Variants in ZNF469 observed in about 807,000 individuals in gnomAD.
The protein encoded by ZNF469 is zinc finger protein 469.
A neutral mutation model predicts 1.0 loss-of-function variants in ZNF469; 1 was observed. The observed-to-expected ratio is 1.00, with a 90% CI of 0.35 to 4.73. The LOEUF is 4.73. ZNF469 is among the 30% of genes most tolerant of loss of function. The pLI is 0.16. For synonymous variants in ZNF469, 2,703 were observed against 2,363.4 expected, an observed-to-expected ratio of 1.14 and a Z score of -4.17; for missense variants, 6,100 against 5,356.3, an observed-to-expected ratio of 1.14 and a Z score of -4.33.
the ZNF469 span, among the ~76,000 whole-genome samples, chr16:88,104,302 A>G: frequency 1.3e-5 from 2 of 151,812 alleles, no homozygotes; most frequent in African/African-American, 2.4e-5. Flanking sequence ...TTCACATACC[A>G]TAGAGTTCAC....
At chr16:88,244,488 A>T in the ZNF469 span, among the ~76,000 whole-genome samples, 2 of 143,492 alleles carry the variant, frequency 1.4e-5, no homozygotes, top group African/African-American at 5.4e-5. Context: ...TACATTGATG[A>T]GTGGGTGGAT....
chr16:88,126,748 G>C, the ZNF469 span, among the ~76,000 whole-genome samples: 2 of 151,882 alleles, frequency 1.3e-5, no homozygotes, highest in Admixed American at 1.3e-4. Flanking sequence ...CTGTCCCCCG[G>C]GTTCAAGCAA....
At chr16:88,316,486 C>G in the ZNF469 span, among the ~76,000 whole-genome samples, 1 of 151,242 alleles carries the variant, frequency 6.6e-6, no homozygotes, top group African/African-American at 2.4e-5. Flanking sequence ...GGCCTGGGCT[C>G]CCTGCTGCTC....
At chr16:88,378,305 A>G (rs2092514055), upstream of ZNF469, among the ~76,000 whole-genome samples, 1 of 152,170 alleles carries the variant, frequency 6.6e-6, no homozygotes, top group African/African-American at 2.4e-5. Context: ...CCAGACCCAA[A>G]TTGAGGGTCT....
At chr16:88,332,490 A>G in the ZNF469 span, among the ~76,000 whole-genome samples, 1 of 152,204 alleles carries the variant, frequency 6.6e-6, no homozygotes, top group Middle Eastern at 3.2e-3. Context: ...GGCCTTGAGC[A>G]AGGTCCTTGC....
chr16:88,438,012 G>A lies in ZNF469; in HGVS notation c.10542G>A (p.Glu3514=). The A allele has an allele frequency of 1.3e-6, 2 of 1,549,808 alleles. No individual in the cohort carries two copies. The highest frequency in any genetic ancestry group is 1.7e-6 in the Non-Finnish European group (2 of 1,146,934). ...SLPALLHLCS[E]VAPSTTKGWP... ...CGGCCCTGCTCCACCTGTGTTCGGA[G>A]GTGGCTCCCAGCACCACCAAGGGAT... Residue 3514 remains glutamate, a synonymous_variant, in exon 3 of 3, where the codon GAG becomes GAA. Coordinates refer to ENST00000565624, the MANE Select transcript of ZNF469 (RefSeq NM_001367624.2).
chr16:88,394,717 CAG>C (rs1469432146), intron 1 of ZNF469, among the ~76,000 whole-genome samples: 2 of 152,200 alleles, frequency 1.3e-5, no homozygotes, highest in African/African-American at 4.8e-5. Flanking sequence ...TCCAGGTGTT[CAG>C]AGAGTGAAAG....
the ZNF469 span, among the ~76,000 whole-genome samples, chr16:88,333,488 G>A: frequency 4.3e-5 from 5 of 115,094 alleles, no homozygotes; most frequent in African/African-American, 1.4e-4. Context: ...GGGCCCATGG[G>A]TGGAGAAGGC....
chr16:88,106,661 G>A, the ZNF469 span, among the ~76,000 whole-genome samples: 1 of 152,230 alleles, frequency 6.6e-6, no homozygotes, highest in Non-Finnish European at 1.5e-5. Flanking sequence ...TGCACCACGT[G>A]AGCCAAGGCA....
In ZNF469 at chr16:88,438,128, C is replaced by T. The variant is rs1037365587; in HGVS notation, c.10658C>T (p.Pro3553Leu). Residue 3553 changes from proline to leucine, a missense_variant, in exon 3 of 3, where the codon CCG becomes CTG. Pro to Leu is a moderately conservative substitution (Grantham distance 98). Transcript: ENST00000565624. ...TCCAACCACCAGGAGTGTCCCCCGCCGTCTCTGTCTCCCTTCCCAGCTGCC... is the reference window on the plus strand; with the variant it reads ...TCCAACCACCAGGAGTGTCCCCCGCTGTCTCTGTCTCCCTTCCCAGCTGCC... ...LPSNHQECPPPSLSPFPAALA... is the reference protein window; with the variant it reads ...LPSNHQECPPLSLSPFPAALA... The T allele has an allele frequency of 1.6e-5, 25 of 1,550,404 alleles. No homozygotes were observed. The highest frequency in any genetic ancestry group is 5.5e-5 in the African/African-American group (4 of 73,174).
chr16:88,235,860 G>T, the ZNF469 span, among the ~76,000 whole-genome samples: 1 of 152,226 alleles, frequency 6.6e-6, no homozygotes, highest in African/African-American at 2.4e-5. Context: ...ACACTATGGG[G>T]ACAGGAGGTT....
At chr16:88,184,681 C>T in the ZNF469 span, among the ~76,000 whole-genome samples, 1 of 151,966 alleles carries the variant, frequency 6.6e-6, no homozygotes, top group Non-Finnish European at 1.5e-5. Flanking sequence ...ATTAGGGACG[C>T]TCCACGGACT....
chr16:88,234,573 G>C, the ZNF469 span, among the ~76,000 whole-genome samples: 1 of 152,218 alleles, frequency 6.6e-6, no homozygotes, highest in African/African-American at 2.4e-5. Flanking sequence ...GGCACAGCCT[G>C]TGGATCATCC....
chr16:88,435,658 C>T lies in ZNF469; in HGVS notation c.8188C>T (p.Leu2730=), dbSNP rs984051153. The change falls in exon 3 of 3, where the codon CTG becomes TTG. Residue 2730 remains leucine (L), a synonymous_variant. Transcript: ENST00000565624. ...GAQKPPGDRM[L]CPGRMDGAAL... ...CCAGAAGCCACCTGGAGATCGGATG[C>T]TGTGTCCAGGGAGGATGGATGGTGC... The T allele has an allele frequency of 6.4e-7, 1 of 1,550,500 alleles. No individual in the cohort carries two copies. Among genetic ancestry groups the T allele is most frequent in the Non-Finnish European group, 8.7e-7 (1 of 1,146,978 alleles).
the ZNF469 span, among the ~76,000 whole-genome samples, chr16:88,199,206 C>G: frequency 6.6e-6 from 1 of 152,232 alleles, no homozygotes; most frequent in Non-Finnish European, 1.5e-5. Context: ...CACCGCCCAC[C>G]TGGCAGATGA....
chr16:88,348,941 G>T, the ZNF469 span, among the ~76,000 whole-genome samples: 4 of 152,132 alleles, frequency 2.6e-5, no homozygotes, highest in Non-Finnish European at 4.4e-5. Context: ...ACAGGGTAGG[G>T]CTCACCACAG....
chr16:88,286,369 G>T, the ZNF469 span, among the ~76,000 whole-genome samples: 1 of 152,250 alleles, frequency 6.6e-6, no homozygotes, highest in Non-Finnish European at 1.5e-5. Context: ...TCAGGTGGCT[G>T]CCAGGCCTTT....
Position 88,415,575 on chromosome 16 carries a change from G to A in ZNF469, c.-191-9232G>A, listed in dbSNP as rs527539233. The stretch of plus-strand genomic sequence containing the variant: ...CTCAGGCCCCCTCTGCAAAGTGTCT[G>A]GAAAATCACAGCTGGCACTCCAGGT... On this transcript the variant is annotated intron_variant, in intron 1 of 2. Transcript: ENST00000565624. Among the ~76,000 whole-genome samples the A allele has an allele frequency of 6.6e-5, 10 of 152,380 alleles. No individual in the cohort carries two copies. In the East Asian group the frequency reaches 1.3e-3, roughly 21 times the overall value.
the ZNF469 span, among the ~76,000 whole-genome samples, chr16:88,162,920 T>C: frequency 1.3e-5 from 2 of 152,238 alleles, no homozygotes. Context: ...AGCAAGAGTA[T>C]AGCAACACAA....
Sources: gnomAD v4.1 joint callset for allele counts (sites outside exome capture counted in the v4.1 genomes callset) on GRCh38, gnomAD v4.1.1 for gene constraint, MANE v1.5 for transcripts, NCBI Gene and HGNC (gene_info 2026-07-23, HGNC 2026-07-21) for gene names.